RASGRP1: variants seen among roughly 807,000 people sequenced by gnomAD.
The protein encoded by RASGRP1 is RAS guanyl releasing protein 1.
Under a neutral mutation model 95.1 loss-of-function variants are expected in RASGRP1, and 37 were observed. The ratio of observed to expected loss-of-function variants is 0.39; its 90% CI spans 0.30 to 0.51. The LOEUF (loss-of-function observed/expected upper bound fraction) is 0.51. Among genes scored for constraint, RASGRP1 ranks in the 20% least tolerant of loss-of-function variants. The probability of loss-of-function intolerance (pLI) is 0.80; values close to 1 mark genes in which losing one functional copy is unlikely to be tolerated. For synonymous variants in RASGRP1, 325 were observed against 353.4 expected, an observed-to-expected ratio of 0.92 and a Z score of 0.90; for missense variants, 711 against 965.4, an observed-to-expected ratio of 0.74 and a Z score of 3.49.
chr15:38,537,279 A>G (rs1339983038), intron 2 of RASGRP1, among the ~76,000 whole-genome samples: 4 of 152,186 alleles, frequency 2.6e-5, no homozygotes, highest in African/African-American at 9.6e-5. Flanking sequence ...AAGAAATTTA[A>G]TTGGTTCAAG....
At chr15:38,508,325 T>C (rs1002475170) in intron 8 of RASGRP1, among the ~76,000 whole-genome samples, 6 of 152,156 alleles carry the variant, frequency 3.9e-5, no homozygotes, top group African/African-American at 1.4e-4. Flanking sequence ...ATTAAAAAGG[T>C]ACAAGAATAT....
intron 2 of RASGRP1, chr15:38,534,471 T>G (rs1595866355): frequency 6.6e-6 from 1 of 152,370 alleles, no homozygotes; most frequent in East Asian, 1.9e-4. Flanking sequence ...CTGAATATCT[T>G]GGTTACAATT....
At chr15:38,526,152 T>G in intron 3 of RASGRP1, 147 bp downstream of exon 3, 1 of 653,910 alleles carries the variant, frequency 1.5e-6, no homozygotes, top group African/African-American at 1.8e-5. Context: ...CCCCAACACA[T>G]GCACCCATAC....
chr15:38,528,997 A>G (rs1038645561), intron 2 of RASGRP1, among the ~76,000 whole-genome samples: 3 of 152,142 alleles, frequency 2.0e-5, no homozygotes, highest in Non-Finnish European at 2.9e-5. Context: ...AGTTACCCCA[A>G]CTAAAAACCT....
rs2141066717 is a variant in RASGRP1, at chr15:38,488,268, A to G, written c.*2286T>C. On this transcript the variant is annotated 3_prime_UTR_variant, in exon 17 of 17. Coordinates refer to ENST00000310803, the MANE Select transcript of RASGRP1 (RefSeq NM_005739.4). ...GGTCAGTAAAAAGGTAAGTCAGCAA[A>G]GAAAATGAGAAGTGACCCTGCTGTT... The G allele has an allele frequency of 6.6e-6, 1 of 152,180 alleles. No homozygotes were observed. Among genetic ancestry groups the G allele is most frequent in the East Asian group, 1.9e-4 (1 of 5,190 alleles). The allele number at this position is 152,180 out of a possible 1,614,324, so 9.4% of individuals were successfully genotyped here.
At chr15:38,528,604 C>T (rs1892323297) in intron 2 of RASGRP1, among the ~76,000 whole-genome samples, 1 of 152,142 alleles carries the variant, frequency 6.6e-6, no homozygotes, top group African/African-American at 2.4e-5. Flanking sequence ...TCTGTCTCCT[C>T]TTTTTCTGCT....
chr15:38,526,341 A>G lies in RASGRP1; in HGVS notation c.284T>C (p.Ile95Thr), dbSNP rs1180477660. Residue 95 changes from isoleucine (I) to threonine (T), a missense_variant, in exon 3 of 17, where the codon ATT becomes ACT. Ile to Thr is a moderately conservative substitution (Grantham distance 89, BLOSUM62 -1). This residue lies in a region of RASGRP1 where 491 missense variants were observed against 676.6 expected (regional missense o/e 0.73). Transcript: ENST00000310803. The part of the protein sequence containing the change: ...LLQVMLTMHR[I>T]VISSAELLQK... ...GAGCAGTTCTGCAGAGGAGATGACA[A>G]TTCGGTGCATGGTCAGCATGACTTG... The G allele has an allele frequency of 5.0e-6, 8 of 1,613,336 alleles. No homozygotes were observed. Among genetic ancestry groups the G allele is most frequent in the Non-Finnish European group, 6.8e-6 (8 of 1,179,442 alleles).
chr15:38,564,468 G>GGACTCCGGCC (rs1893949751), intron 1 of RASGRP1, 126 bp downstream of exon 1: 1 of 905,394 alleles, frequency 1.1e-6, no homozygotes, highest in Non-Finnish European at 1.4e-6. Flanking sequence ...TGGTGTCCCG[G>GGACTCCGGCC]GACTCCGGCC....
At chr15:38,544,571 T>A (rs1399832129) in intron 2 of RASGRP1, among the ~76,000 whole-genome samples, 5 of 152,230 alleles carry the variant, frequency 3.3e-5, no homozygotes, top group African/African-American at 1.2e-4. Flanking sequence ...TTCTTCTCTG[T>A]CTTGCAAGCA....
At chr15:38,556,598 A>C (rs1893562277) in intron 2 of RASGRP1, among the ~76,000 whole-genome samples, 1 of 152,196 alleles carries the variant, frequency 6.6e-6, no homozygotes, top group Non-Finnish European at 1.5e-5. Context: ...TGTCCAACTG[A>C]CTTTTTTGCA....
Position 38,507,991 on chromosome 15 carries a change from T to C in RASGRP1, c.977A>G (p.Glu326Gly). The change falls in exon 9 of 17, where the codon GAG (glutamate) becomes GGG (glycine). Residue 326 changes from glutamate to glycine, a missense_variant. This residue lies in a region of RASGRP1 where 491 missense variants were observed against 676.6 expected (regional missense o/e 0.73). Coordinates refer to ENST00000310803, the MANE Select transcript of RASGRP1 (RefSeq NM_005739.4). ...GGAGGAGGACAGCAGCTCAGTCATC[T>C]CACCGAGAACCTACAAAGCAGAACA... Reference protein sequence around the residue: ...VPHEINKVLGEMTELLSSSRN... With the variant: ...VPHEINKVLGGMTELLSSSRN... The C allele has an allele frequency of 1.2e-6, 2 of 1,602,708 alleles. No individual in the cohort carries two copies. Among genetic ancestry groups the C allele is most frequent in the Non-Finnish European group, 8.5e-7 (1 of 1,175,188 alleles).
At chr15:38,509,886 A>G (rs1891431578) in intron 8 of RASGRP1, among the ~76,000 whole-genome samples, 1 of 152,090 alleles carries the variant, frequency 6.6e-6, no homozygotes, top group Non-Finnish European at 1.5e-5. Context: ...AACTTAATAA[A>G]ATTGTGGCCT....
At chr15:38,518,542 C>T (rs1595850972) in intron 4 of RASGRP1, 119 bp from the exon 5 acceptor site, 9 of 1,105,636 alleles carry the variant, frequency 8.1e-6, no homozygotes, top group East Asian at 5.2e-5. Context: ...AAGTCTGATT[C>T]GTCTATTAGT....
intron 3 of RASGRP1, 55 bp downstream of exon 3, chr15:38,526,244 C>A (rs951378191): frequency 2.2e-6 from 3 of 1,378,192 alleles, no homozygotes; most frequent in African/African-American, 2.9e-5. Flanking sequence ...AAATTTCAAG[C>A]TACTTTTTGG....
chr15:38,503,240 A>C (rs765646124), intron 11 of RASGRP1, 32 bp downstream of exon 11: 2 of 1,527,814 alleles, frequency 1.3e-6, no homozygotes. Context: ...GGCAATGCCT[A>C]GTTTTTGTGT....
At chr15:38,542,218 AAAAT>A (rs1388849492) in intron 2 of RASGRP1, among the ~76,000 whole-genome samples, 2 of 152,246 alleles carry the variant, frequency 1.3e-5, no homozygotes, top group East Asian at 3.9e-4. Flanking sequence ...ACTAAACTAA[AAAAT>A]AACAACAAAA....
intron 3 of RASGRP1, among the ~76,000 whole-genome samples, chr15:38,523,510 AATT>A (rs1293060891): frequency 6.6e-6 from 1 of 152,194 alleles, no homozygotes; most frequent in Non-Finnish European, 1.5e-5. Flanking sequence ...CAGTAAGCTA[AATT>A]ATTATTGAAG....
intron 2 of RASGRP1, among the ~76,000 whole-genome samples, chr15:38,536,930 AGAT>A (rs1333766181): frequency 2.0e-5 from 3 of 152,370 alleles, no homozygotes; most frequent in South Asian, 2.1e-4. Flanking sequence ...GGTTAGGATT[AGAT>A]GATGTTTGAT....
Position 38,489,731 on chromosome 15 carries a change from T to TA in RASGRP1, c.*822_*823insT, listed in dbSNP as rs1183071869. On this transcript the variant is annotated 3_prime_UTR_variant, in exon 17 of 17. Transcript: ENST00000310803. Reference sequence around the variant, plus strand: ...GAGTTAAACAGACTCTTCATAGACTTTTTTTTTTAAGCCATCAATTCCTAA... The same window carrying TA: ...GAGTTAAACAGACTCTTCATAGACTTATTTTTTTTAAGCCATCAATTCCTAA... The TA allele has an allele frequency of 2.0e-5, 3 of 151,046 alleles. No individual in the cohort carries two copies. The highest frequency in any genetic ancestry group is 4.4e-5 in the Non-Finnish European group (3 of 67,494). 9.4% of individuals were successfully genotyped at this position (151,046 alleles called of 1,614,324 possible).
Sources: gnomAD v4.1 joint callset for allele counts (sites outside exome capture counted in the v4.1 genomes callset) on GRCh38, gnomAD v4.1.1 for gene constraint, gnomAD v4.1.1 regional missense constraint, MANE v1.5 for transcripts, NCBI Gene and HGNC (gene_info 2026-07-23, HGNC 2026-07-21) for gene names.